The following NPHS2 variants were observed in gnomAD, a reference collection of about 807,000 sequenced individuals.
NPHS2 encodes the protein NPHS2 stomatin family member, podocin, also known as podocin.
A neutral mutation model predicts 37.1 loss-of-function variants in NPHS2; 36 were observed. The observed-to-expected ratio is 0.97, with a 90% CI of 0.74 to 1.28. NPHS2 has a LOEUF of 1.28. NPHS2 is among the 50% of genes most tolerant of loss of function. The pLI is 0.00. For missense variants in NPHS2, 447 were observed against 488.1 expected (o/e 0.92, Z 0.79); for synonymous variants, 196 against 189.3 (o/e 1.04, Z -0.29).
At chr1:179,560,021 C>T (rs561522237) in intron 3 of NPHS2, among the ~76,000 whole-genome samples, 6 of 152,114 alleles carry the variant, frequency 3.9e-5, no homozygotes, top group Non-Finnish European at 7.4e-5. Context: ...GTGCTGCCTC[C>T]CCAGGTCTCA....
intron 1 of NPHS2, among the ~76,000 whole-genome samples, chr1:179,569,948 C>A (rs1031536390): frequency 6.6e-6 from 1 of 152,166 alleles, no homozygotes; most frequent in African/African-American, 2.4e-5. Context: ...GTGGGTAACT[C>A]GACCTTTCTC....
At chr1:179,559,021 G>T (rs1162482647) in intron 4 of NPHS2, among the ~76,000 whole-genome samples, 2 of 143,724 alleles carry the variant, frequency 1.4e-5, no homozygotes, top group Admixed American at 1.4e-4. Flanking sequence ...ACACATATAG[G>T]TATGCTGGGG....
Position 179,575,722 on chromosome 1 carries a change from G to A in NPHS2, c.143C>T (p.Ser48Phe). ...RQEAGPEPSG[S>F]GRAGTPGEPR... ...CTCCCCCGGGGTCCCCGCCCGTCCG[G>A]AGCCCGACGGCTCGGGCCCAGCCTC... The change falls in exon 1 of 8, where the codon TCC (serine) becomes TTC (phenylalanine). Residue 48 changes from serine to phenylalanine, a missense_variant. Ser to Phe is a radical substitution (Grantham distance 155). Coordinates refer to ENST00000367615, the MANE Select transcript of NPHS2 (RefSeq NM_014625.4). 1 of 1,544,216 alleles carries A rather than the reference G, an allele frequency of 6.5e-7. No homozygotes were observed. Among genetic ancestry groups the A allele is most frequent in the Non-Finnish European group, 8.7e-7 (1 of 1,149,834 alleles).
intron 1 of NPHS2, among the ~76,000 whole-genome samples, chr1:179,575,164 G>T (rs1334283978): frequency 6.6e-6 from 1 of 152,164 alleles, no homozygotes; most frequent in African/African-American, 2.4e-5. Context: ...AGTTTAAAAT[G>T]CTTTTAGGTA....
intron 2 of NPHS2, among the ~76,000 whole-genome samples, chr1:179,562,962 T>C (rs1674200530): frequency 6.6e-6 from 1 of 152,204 alleles, no homozygotes; most frequent in South Asian, 2.1e-4. Flanking sequence ...TGACCAGATC[T>C]GAGAGCCTTT....
chr1:179,552,538 G>A, intron 7 of NPHS2, 65 bp downstream of exon 7: 4 of 1,267,802 alleles, frequency 3.2e-6, no homozygotes, highest in Non-Finnish European at 4.6e-6. Flanking sequence ...GGAAGCAAAG[G>A]GGAAATGTTC....
intron 1 of NPHS2, among the ~76,000 whole-genome samples, chr1:179,569,575 C>A (rs1444651578): frequency 6.6e-6 from 1 of 152,108 alleles, no homozygotes; most frequent in African/African-American, 2.4e-5. Context: ...TGAATTTGAT[C>A]CTGTCATTAT....
Position 179,552,657 on chromosome 1 carries a change from C to A in NPHS2, c.819G>T (p.Gly273=). 1 of 1,613,928 alleles carries A rather than the reference C, an allele frequency of 6.2e-7. No homozygotes were observed. Among genetic ancestry groups the A allele is most frequent in the Non-Finnish European group, 8.5e-7 (1 of 1,179,904 alleles). The change falls in exon 7 of 8, where the codon GGG becomes GGT. Residue 273 remains glycine, a synonymous_variant. Coordinates refer to ENST00000367615, the MANE Select transcript of NPHS2 (RefSeq NM_014625.4). ...CCTCCACAGCCAGTGAGTGCTGAAG[C>A]CCAGCTGGCAACCTCACATCTTTAC... The part of the protein sequence containing the change: ...IEIKDVRLPA[G]LQHSLAVEAE...
intron 5 of NPHS2, 192 bp from the exon 6 acceptor site, chr1:179,554,723 C>T (rs1164167178): frequency 2.8e-6 from 2 of 706,748 alleles, no homozygotes; most frequent in East Asian, 5.4e-5. Context: ...CAATAAATAT[C>T]TGTGCAATTG....
intron 1 of NPHS2, among the ~76,000 whole-genome samples, chr1:179,565,745 C>T (rs953261031): frequency 3.3e-5 from 5 of 151,158 alleles, no homozygotes; most frequent in Admixed American, 3.3e-4. Context: ...CGACAGGCCC[C>T]AGTGTGTGAT....
At chr1:179,554,825 C>G (rs893832036) in intron 5 of NPHS2, 1 of 478,192 alleles carries the variant, frequency 2.1e-6, no homozygotes. Context: ...AGGGATTTTG[C>G]TGGTTTGATT....
chr1:179,565,119 TA>T (rs1305006339), intron 1 of NPHS2, among the ~76,000 whole-genome samples: 2 of 151,590 alleles, frequency 1.3e-5, no homozygotes, highest in African/African-American at 4.8e-5. Flanking sequence ...AAAAAAAAAT[TA>T]AAAACTAGCT....
At chr1:179,562,813 C>G (rs1388289887) in intron 2 of NPHS2, among the ~76,000 whole-genome samples, 1 of 152,178 alleles carries the variant, frequency 6.6e-6, no homozygotes, top group East Asian at 1.9e-4. Context: ...TGTTTCTTAC[C>G]TGCTTTTATT....
At chr1:179,561,522 G>A (rs1309660820) in intron 2 of NPHS2, among the ~76,000 whole-genome samples, 161 bp from the exon 3 acceptor site, 1 of 152,138 alleles carries the variant, frequency 6.6e-6, no homozygotes, top group Non-Finnish European at 1.5e-5. Context: ...TTTAGTAAGT[G>A]TAAAATTTCA....
chr1:179,552,915 A>G (rs749945023), intron 6 of NPHS2, among the ~76,000 whole-genome samples: 5 of 152,244 alleles, frequency 3.3e-5, no homozygotes, highest in African/African-American at 4.8e-5. Flanking sequence ...GTAGTTTCTC[A>G]TTATCAGCAC....
In NPHS2 at chr1:179,559,728, T is replaced by C. The variant is rs1342227661; in HGVS notation, c.485A>G (p.Tyr162Cys). 2.5e-6 allele frequency: 4 copies of C among 1,591,866 alleles called. No individual in the cohort carries two copies. The highest frequency in any genetic ancestry group is 3.4e-6 in the Non-Finnish European group (4 of 1,166,716). The change falls in exon 4 of 8, where the codon TAC (tyrosine) becomes TGC (cysteine). Residue 162 changes from tyrosine to cysteine, a missense_variant. Physicochemically the swap from Tyr to Cys is radical, Grantham distance 194. Transcript: ENST00000367615. ...TTGGAGACGAAGGTCAACCTTGTGGTAGGTATCCAGGCAGGGCAAAAAAAA... is the reference window on the plus strand; with the variant it reads ...TTGGAGACGAAGGTCAACCTTGTGGCAGGTATCCAGGCAGGGCAAAAAAAA... ...LFFFLPCLDT[Y>C]HKVDLRLQTL...
At chr1:179,563,784 A>C (rs1026999568) in intron 2 of NPHS2, among the ~76,000 whole-genome samples, 2 of 152,216 alleles carry the variant, frequency 1.3e-5, no homozygotes, top group Non-Finnish European at 2.9e-5. Flanking sequence ...AAAACACAAG[A>C]TACCAAAATG....
At chr1:179,561,397 G>C (rs778895897) in intron 2 of NPHS2, 36 bp from the exon 3 acceptor site, 42 of 1,506,354 alleles carry the variant, frequency 2.8e-5, no homozygotes, top group Non-Finnish European at 3.7e-5. Context: ...ATCACTCCCA[G>C]AAAGAAAAAG....
Position 179,564,697 on chromosome 1 carries a change from C to T in NPHS2, c.371G>A (p.Cys124Tyr), listed in dbSNP as rs2125790095. The T allele has an allele frequency of 6.2e-7, 1 of 1,613,718 alleles. No homozygotes were observed. The highest frequency in any genetic ancestry group is 8.5e-7 in the Non-Finnish European group (1 of 1,179,874). Residue 124 changes from cysteine (C) to tyrosine (Y), a missense_variant, in exon 2 of 8, where the codon TGC becomes TAC. Physicochemically the swap from Cys to Tyr is radical, Grantham distance 194. Coordinates refer to ENST00000367615, the MANE Select transcript of NPHS2 (RefSeq NM_014625.4). ...GTCCTTATGGAATCTCACCTTTACGCAGAACCAGATGGAAAAAGGGAAGGT... is the reference window on the plus strand; with the variant it reads ...GTCCTTATGGAATCTCACCTTTACGTAGAACCAGATGGAAAAAGGGAAGGT... ...IMTFPFSIWF[C>Y]VKVVQEYERV...
Sources: gnomAD v4.1 joint callset for allele counts (sites outside exome capture counted in the v4.1 genomes callset) on GRCh38, gnomAD v4.1.1 for gene constraint, MANE v1.5 for transcripts, NCBI Gene and HGNC (gene_info 2026-07-23, HGNC 2026-07-21) for gene names.